Variants in CCDC149 observed in about 807,000 individuals in gnomAD.
CCDC149 encodes the protein coiled-coil domain-containing protein 149.
A neutral mutation model predicts 59.9 loss-of-function variants in CCDC149; 45 were observed. The ratio of observed to expected loss-of-function variants is 0.75; its 90% CI spans 0.59 to 0.96. The LOEUF is 0.96. Ranked by LOEUF, CCDC149 falls within the 40% of genes least tolerant of loss-of-function variation. The pLI, the probability that CCDC149 is intolerant of heterozygous loss-of-function variation, is 0.00. For missense variants in CCDC149, 584 were observed against 664.7 expected (o/e 0.88, Z 1.33); for synonymous variants, 245 against 260.6 (o/e 0.94, Z 0.58).
intron 4 of CCDC149, among the ~76,000 whole-genome samples, chr4:24,839,625 G>A (rs138660565): frequency 6.6e-6 from 1 of 152,216 alleles, no homozygotes; most frequent in African/African-American, 2.4e-5. Context: ...AGCTTTCCTG[G>A]ACTCCAGAGC....
At chr4:24,891,972 C>T (rs1444900381) in intron 1 of CCDC149, among the ~76,000 whole-genome samples, 1 of 151,986 alleles carries the variant, frequency 6.6e-6, no homozygotes, top group Non-Finnish European at 1.5e-5. Flanking sequence ...GCATTCCAGC[C>T]TGGGGGAGAG....
At chr4:24,973,703 C>T (rs1455316052) in intron 1 of CCDC149, among the ~76,000 whole-genome samples, 1 of 152,222 alleles carries the variant, frequency 6.6e-6, no homozygotes, top group Non-Finnish European at 1.5e-5. Context: ...AATTTTTGCT[C>T]ATTGAGACAA....
chr4:24,943,014 C>A (rs1577497717), intron 1 of CCDC149, among the ~76,000 whole-genome samples: 1 of 151,288 alleles, frequency 6.6e-6, no homozygotes, highest in Non-Finnish European at 1.5e-5. Context: ...ATCAAGCTAC[C>A]AATGACTTTC....
At chr4:24,851,880 G>A (rs1368676069) in intron 4 of CCDC149, among the ~76,000 whole-genome samples, 1 of 152,048 alleles carries the variant, frequency 6.6e-6, no homozygotes, top group Admixed American at 6.5e-5. Flanking sequence ...CTTGTCCAGT[G>A]TTAATCAGAG....
At chr4:24,909,566 T>C (rs1477830809) in intron 1 of CCDC149, among the ~76,000 whole-genome samples, 3 of 152,170 alleles carry the variant, frequency 2.0e-5, no homozygotes, top group Non-Finnish European at 2.9e-5. Flanking sequence ...TATTAGTTTC[T>C]TGTGGCTGCT....
chr4:24,909,919 T>C (rs188708561), intron 1 of CCDC149, among the ~76,000 whole-genome samples: 7 of 152,272 alleles, frequency 4.6e-5, no homozygotes, highest in African/African-American at 1.7e-4. Flanking sequence ...GCCCATGAAA[T>C]CTCTCTTTCT....
intron 9 of CCDC149, chr4:24,829,077 G>C: frequency 6.6e-6 from 1 of 152,450 alleles, no homozygotes; most frequent in African/African-American, 2.4e-5. Flanking sequence ...GCTTTGCAGA[G>C]AAGGCTAGTG....
chr4:24,932,094 G>A (rs1430559118), intron 1 of CCDC149, among the ~76,000 whole-genome samples: 1 of 151,754 alleles, frequency 6.6e-6, no homozygotes, highest in Non-Finnish European at 1.5e-5. Flanking sequence ...GTTCCACAGT[G>A]CTTGCTCTAA....
intron 1 of CCDC149, among the ~76,000 whole-genome samples, chr4:24,931,961 T>C (rs552291486): frequency 1.3e-4 from 19 of 151,638 alleles, no homozygotes; most frequent in South Asian, 1.0e-3. Flanking sequence ...CCCTATGAAG[T>C]AGCTACACTT....
chr4:24,844,740 C>A (rs541132132), intron 4 of CCDC149, among the ~76,000 whole-genome samples: 1 of 152,114 alleles, frequency 6.6e-6, no homozygotes, highest in South Asian at 2.1e-4. Context: ...ATACTGCACT[C>A]CAGCCTGGAT....
intron 1 of CCDC149, among the ~76,000 whole-genome samples, chr4:24,882,727 T>C (rs1719921236): frequency 6.6e-6 from 1 of 152,148 alleles, no homozygotes; most frequent in South Asian, 2.1e-4. Context: ...ACATATAATA[T>C]ACAGTGTGTG....
intron 1 of CCDC149, among the ~76,000 whole-genome samples, chr4:24,890,318 C>T (rs1720454283): frequency 6.6e-6 from 1 of 152,078 alleles, no homozygotes; most frequent in Admixed American, 6.5e-5. Flanking sequence ...CATCATTACC[C>T]CCCTTTACAG....
At chr4:24,909,747 A>G (rs1034314664) in intron 1 of CCDC149, among the ~76,000 whole-genome samples, 1 of 152,100 alleles carries the variant, frequency 6.6e-6, no homozygotes, top group African/African-American at 2.4e-5. Flanking sequence ...ATGGTTTTAT[A>G]AAGAGGAGTT....
In CCDC149 at chr4:24,819,892, GCTCGACAAACTTCAGCAGTGGGGAT is replaced by G; in HGVS notation, c.1134_1158del (p.Arg378SerfsTer30). The G allele has an allele frequency of 6.4e-7, 1 of 1,551,678 alleles. No homozygotes were observed. The highest frequency in any genetic ancestry group is 1.2e-5 in the South Asian group (1 of 84,058). On this transcript the variant is annotated frameshift_variant, in exon 12 of 13. Coordinates refer to ENST00000635206, the MANE Select transcript of CCDC149 (RefSeq NM_001330643.2). LOFTEE classifies it low-confidence loss of function (END_TRUNC). The stretch of plus-strand genomic sequence containing the variant: ...GGATCTGCTTTGTTCTCAGTGGGCT[GCTCGACAAACTTCAGCAGTGGGGAT>G]CTCGACCTCTGTCCACTAGGAAGAG...
At chr4:24,821,914 G>A (rs1295679559) in intron 10 of CCDC149, among the ~76,000 whole-genome samples, 1 of 152,150 alleles carries the variant, frequency 6.6e-6, no homozygotes, top group Non-Finnish European at 1.5e-5. Context: ...AGATTCTCAG[G>A]CTAAGTAAAA....
Position 24,936,345 on chromosome 4 carries a change from T to C in CCDC149, c.-64-41227A>G, listed in dbSNP as rs968311450. Among the ~76,000 whole-genome samples the C allele has an allele frequency of 3.2e-4, 49 of 152,108 alleles. 1 individual carries two copies. Among genetic ancestry groups the C allele is most frequent in the African/African-American group, 1.2e-3 (48 of 41,498 alleles). ...AATGATTGAAATATATCAATCATTA[T>C]ATTATATATATATCATCAAATATAT... On this transcript the variant is annotated intron_variant, in intron 1 of 12. Coordinates refer to the CCDC149 transcript ENST00000389609.
At chr4:24,876,820 C>T (rs34393691) in intron 1 of CCDC149, 123 bp from the exon 2 acceptor site, 86,661 of 919,142 alleles carry the variant, frequency 0.094, 4,989 homozygotes, top group Non-Finnish European at 0.11. Flanking sequence ...GCTCATGTGC[C>T]GAGAGAGACA....
At chr4:24,891,366 T>C (rs959392528) in intron 1 of CCDC149, among the ~76,000 whole-genome samples, 4 of 152,190 alleles carry the variant, frequency 2.6e-5, no homozygotes, top group African/African-American at 9.7e-5. Flanking sequence ...GATGGGCTGA[T>C]TATGCTAGCA....
At chr4:24,902,442 T>C (rs1390552651) in intron 1 of CCDC149, among the ~76,000 whole-genome samples, 1 of 152,352 alleles carries the variant, frequency 6.6e-6, no homozygotes, top group East Asian at 1.9e-4. Context: ...ATTCACCATC[T>C]GGTCCTCCCT....
Sources: gnomAD v4.1 joint callset for allele counts (sites outside exome capture counted in the v4.1 genomes callset) on GRCh38, gnomAD v4.1.1 for gene constraint, MANE v1.5 for transcripts, NCBI Gene and HGNC (gene_info 2026-07-23, HGNC 2026-07-21) for gene names.